The following TCF4 variants were observed in gnomAD, a reference collection of about 807,000 sequenced individuals.
TCF4 encodes SL3-3 enhancer factor 2.
Under a neutral mutation model 82.1 loss-of-function variants are expected in TCF4, and 3 were observed. That is an observed-to-expected ratio of 0.04 (90% confidence interval 0.02 to 0.09). The LOEUF is 0.09. TCF4 is among the 10% of genes least tolerant of loss of function. The pLI is 1.00. For missense variants in TCF4, 518 were observed against 852.7 expected, an observed-to-expected ratio of 0.61 and a Z score of 4.89; for synonymous variants, 276 against 309.6, an observed-to-expected ratio of 0.89 and a Z score of 1.14.
chr18:55,401,815 T>C, intron 6 of TCF4: 2 of 982,868 alleles, frequency 2.0e-6, no homozygotes, highest in Non-Finnish European at 2.4e-6. Context: ...AGGAAGCCTA[T>C]TCTCTCAATG....
intron 6 of TCF4, among the ~76,000 whole-genome samples, chr18:55,392,569 T>C (rs1457917157): frequency 2.0e-5 from 3 of 152,022 alleles, no homozygotes; most frequent in Non-Finnish European, 4.4e-5. Flanking sequence ...TATGAAATCA[T>C]CTACTTTCTG....
At chr18:55,450,526 T>TC (rs2095603358) in intron 5 of TCF4, among the ~76,000 whole-genome samples, 1 of 152,202 alleles carries the variant, frequency 6.6e-6, no homozygotes, top group African/African-American at 2.4e-5. Flanking sequence ...ACTGAACACC[T>TC]CCTTTTACTC....
chr18:55,411,334 A>G (rs2094336887), intron 5 of TCF4, among the ~76,000 whole-genome samples: 1 of 152,188 alleles, frequency 6.6e-6, no homozygotes, highest in Admixed American at 6.5e-5. Context: ...ACCCTATCTT[A>G]TATTTTTACT....
chr18:55,621,995 TTA>T (rs1314207647), intron 2 of TCF4, among the ~76,000 whole-genome samples: 10 of 129,238 alleles, frequency 7.7e-5, no homozygotes, highest in Non-Finnish European at 1.5e-4. Context: ...ACACTATATA[TTA>T]TATATACACT....
At chr18:55,447,734 A>G (rs1240213380) in intron 5 of TCF4, among the ~76,000 whole-genome samples, 1 of 152,184 alleles carries the variant, frequency 6.6e-6, no homozygotes, top group Non-Finnish European at 1.5e-5. Context: ...AAGCAGTAAG[A>G]TAGTCTGCTT....
At chr18:55,586,180 CAGCAGCAGCAGCAGCAGCAGCAG>C (rs1568465982) in intron 2 of TCF4, 429 of 614,090 alleles carry the variant, frequency 7.0e-4, no homozygotes, top group Admixed American at 1.3e-3. Flanking sequence ...GCAGCAGCAG[CAGCAGCAGCAGCAGCAGCAGCAG>C]CAGCAGCAGC....
At chr18:55,423,750 C>T (rs1323287184) in intron 5 of TCF4, 1 of 152,526 alleles carries the variant, frequency 6.6e-6, no homozygotes, top group Non-Finnish European at 1.5e-5. Flanking sequence ...ACACGGTCGT[C>T]CATGAGTGAC....
intron 3 of TCF4, among the ~76,000 whole-genome samples, chr18:55,480,421 T>A (rs998717707): frequency 4.0e-5 from 6 of 151,732 alleles, no homozygotes; most frequent in African/African-American, 7.3e-5. Flanking sequence ...AAATATATAA[T>A]CTAGATTGGG....
In TCF4 at chr18:55,468,891, C is replaced by CCCCCA. The variant is rs763484029; in HGVS notation, c.146-4755_146-4754insTGGGG. Among the ~76,000 whole-genome samples, 835 of 127,716 alleles carry CCCCCA rather than the reference C, an allele frequency of 6.5e-3. 18 individuals are homozygous for CCCCCA. Among genetic ancestry groups the CCCCCA allele is most frequent in the Middle Eastern group, 0.027 (7 of 256 alleles). The allele number at this position is 127,716 out of a possible 152,430, so 83.8% of individuals were successfully genotyped here. ...ATCTATTTAGTTCTCGCCCCCCCCC[C>CCCCCA]CCTTGTTCTATTGCCACCCTTTTTC... On this transcript the variant is annotated intron_variant, in intron 3 of 19. Coordinates refer to ENST00000354452, the MANE Select transcript of TCF4 (RefSeq NM_001083962.2).
At chr18:55,412,652 C>T (rs1253898592) in intron 5 of TCF4, among the ~76,000 whole-genome samples, 3 of 152,132 alleles carry the variant, frequency 2.0e-5, no homozygotes, top group Non-Finnish European at 4.4e-5. Flanking sequence ...AAAATCCGGT[C>T]CTTTCCCTTT....
rs538027273 is a variant in TCF4 at position 55,228,090 on chromosome 18, C to T, written c.*5-60G>A. 1.5e-5 allele frequency: 18 copies of T among 1,206,912 alleles called. No homozygotes were observed. In the East Asian group the frequency reaches 3.3e-4, roughly 22 times the overall value. The allele number at this position is 1,206,912 out of a possible 1,614,324, so 74.8% of individuals were successfully genotyped here. A position where few individuals can be genotyped will look rare whatever the true frequency, so the allele number is the denominator to read the frequency against. On this transcript the variant is annotated intron_variant, in intron 19 of 19. Transcript: ENST00000354452. ...ATATATTTGTAACAGAAAAAGTATGCTTTTTTTAAAAAAAATTCTTTTTCC... is the reference window on the plus strand; with the variant it reads ...ATATATTTGTAACAGAAAAAGTATGTTTTTTTTAAAAAAAATTCTTTTTCC...
chr18:55,337,774 A>AG (rs1020734486), intron 8 of TCF4, among the ~76,000 whole-genome samples: 15 of 152,152 alleles, frequency 9.9e-5, no homozygotes, highest in Admixed American at 9.2e-4. Context: ...GCCTTATGCC[A>AG]GAACCTGATT....
In TCF4 at chr18:55,451,239, C is replaced by T. The variant is rs538161197; in HGVS notation, c.304+9780G>A. 9.2e-5 allele frequency among the ~76,000 whole-genome samples: 14 copies of T among 152,320 alleles called. No homozygotes were observed. In the South Asian group the frequency reaches 2.9e-3, roughly 32 times the overall value. On this transcript the variant is annotated intron_variant, in intron 5 of 19. Coordinates refer to ENST00000354452, the MANE Select transcript of TCF4 (RefSeq NM_001083962.2). ...CCATTCATTACCCAGACGAAAATGACAGATGACCAGTGGTTAGCCTTGCAA... is the reference window on the plus strand; with the variant it reads ...CCATTCATTACCCAGACGAAAATGATAGATGACCAGTGGTTAGCCTTGCAA...
rs1301644894 is a variant in TCF4 at position 55,224,934 on chromosome 18, T to C, written c.*3101A>G. 6.6e-6 allele frequency: 1 copy of C among 152,332 alleles called. No individual in the cohort carries two copies. The highest frequency in any genetic ancestry group is 2.4e-5 in the African/African-American group (1 of 41,436). The allele number at this position is 152,332 out of a possible 1,614,324, so 9.4% of individuals were successfully genotyped here. A position where few individuals can be genotyped will look rare whatever the true frequency, so the allele number is the denominator to read the frequency against. On this transcript the variant is annotated 3_prime_UTR_variant, in exon 20 of 20. Coordinates refer to ENST00000354452, the MANE Select transcript of TCF4 (RefSeq NM_001083962.2). ...TACAGATAGCGTAGTATGGACCCTT[T>C]TGAAATTTTTGTATAGTACTTTAAT...
chr18:55,512,582 T>C (rs909197614), intron 3 of TCF4, among the ~76,000 whole-genome samples: 2 of 152,120 alleles, frequency 1.3e-5, no homozygotes, highest in African/African-American at 4.8e-5. Flanking sequence ...ATGTGTATGG[T>C]GTCTATAGAC....
intron 8 of TCF4, among the ~76,000 whole-genome samples, chr18:55,287,543 A>C (rs1490358572): frequency 2.0e-5 from 3 of 152,204 alleles, no homozygotes; most frequent in Admixed American, 6.5e-5. Flanking sequence ...GAAAAATGTC[A>C]AGAGGATCCA....
rs1006633112 is a variant in TCF4, at chr18:55,223,964, A to C, written c.*4071T>G. On this transcript the variant is annotated 3_prime_UTR_variant, in exon 20 of 20. Transcript: ENST00000354452. ...AAATCTACAAAGAAGAAATATTCAG[A>C]ATCTGACAATTTTTTTGTAATATTC... 1 of 151,748 alleles carries C rather than the reference A, an allele frequency of 6.6e-6. No homozygotes were observed. Among genetic ancestry groups the C allele is most frequent in the Non-Finnish European group, 1.5e-5 (1 of 67,774 alleles). 9.4% of individuals were successfully genotyped at this position (151,748 alleles called of 1,614,324 possible). A position where few individuals can be genotyped will look rare whatever the true frequency, so the allele number is the denominator to read the frequency against.
chr18:55,537,552 C>T (rs1045944277), intron 3 of TCF4, among the ~76,000 whole-genome samples: 8 of 151,278 alleles, frequency 5.3e-5, no homozygotes, highest in Admixed American at 4.6e-4. Context: ...ATGATCATGC[C>T]ACTGCACTCC....
chr18:55,321,475 G>T, intron 8 of TCF4: 1 of 802,712 alleles, frequency 1.2e-6, no homozygotes, highest in Non-Finnish European at 2.0e-6. Context: ...GGGAGGAGTG[G>T]GGGGAAAAAA....
Sources: gnomAD v4.1 joint callset for allele counts (sites outside exome capture counted in the v4.1 genomes callset) on GRCh38, gnomAD v4.1.1 for gene constraint, MANE v1.5 for transcripts, NCBI Gene and HGNC (gene_info 2026-07-23, HGNC 2026-07-21) for gene names.